The following NKAIN4 variants were observed in gnomAD, a reference collection of about 807,000 sequenced individuals.
The protein encoded by NKAIN4 is sodium/potassium-transporting ATPase subunit beta-1-interacting protein 4.
In NKAIN4, 28 loss-of-function variants were observed where a neutral mutation model predicts 28.8. That is an observed-to-expected ratio of 0.97 (90% CI 0.72 to 1.33). The LOEUF is 1.33. Among genes scored for constraint, NKAIN4 ranks in the 40% most tolerant of loss-of-function variants. NKAIN4 has a pLI of 0.00. For missense variants in NKAIN4, 289 were observed against 277.2 expected (o/e 1.04, Z -0.30); for synonymous variants, 122 against 115.6 (o/e 1.06, Z -0.36).
chr20:63,254,485 C>T, upstream of NKAIN4: 1 of 1,286,846 alleles, frequency 7.8e-7, no homozygotes, highest in Non-Finnish European at 9.8e-7. Context: ...CCGGGTGCCC[C>T]GCGCTCGGCC....
At chr20:63,254,659 G>T, upstream of NKAIN4, 2 of 387,324 alleles carry the variant, frequency 5.2e-6, no homozygotes, top group Non-Finnish European at 4.5e-6. Flanking sequence ...TGGGGGCTTC[G>T]CGCCGGCCGG....
upstream of NKAIN4, chr20:63,254,479 G>C: frequency 7.7e-7 from 1 of 1,298,956 alleles, no homozygotes; most frequent in South Asian, 2.2e-5. Flanking sequence ...AGGCCCCCGG[G>C]TGCCCCGCGC....
chr20:63,242,664 A>C, intron 5 of NKAIN4, 41 bp from the exon 6 acceptor site: 2 of 1,470,138 alleles, frequency 1.4e-6, no homozygotes, highest in Non-Finnish European at 1.9e-6. Context: ...AACCTACACA[A>C]TGGAAAAGAT....
chr20:63,246,459 G>A (rs1235824131), intron 4 of NKAIN4: 35 of 975,938 alleles, frequency 3.6e-5, no homozygotes, highest in Non-Finnish European at 4.0e-5. Context: ...CACCTTCCTG[G>A]CCTGATTTCC....
At chr20:63,254,174 CG>C in intron 1 of NKAIN4, 1 of 435,158 alleles carries the variant, frequency 2.3e-6, no homozygotes, top group Non-Finnish European at 4.0e-6. Flanking sequence ...GGCCGCCCCC[CG>C]CGCACGCACA....
intron 1 of NKAIN4, 80 bp downstream of exon 1, chr20:63,254,317 A>T: frequency 8.7e-7 from 1 of 1,154,856 alleles, no homozygotes; most frequent in African/African-American, 1.6e-5. Context: ...CCCGGGGCGG[A>T]GGGACGCTTC....
chr20:63,248,395 C>A (rs1041062562), intron 3 of NKAIN4: 3 of 189,994 alleles, frequency 1.6e-5, no homozygotes, highest in East Asian at 1.3e-4. Context: ...CCCACCCCCT[C>A]CCCCCACGTT....
At chr20:63,246,457 T>C (rs1302909802) in intron 4 of NKAIN4, 2 of 976,570 alleles carry the variant, frequency 2.0e-6, no homozygotes, top group East Asian at 2.3e-4. Context: ...AGCACCTTCC[T>C]GGCCTGATTT....
chr20:63,246,400 C>A (rs1231287965), intron 4 of NKAIN4, among the ~76,000 whole-genome samples: 3 of 152,208 alleles, frequency 2.0e-5, no homozygotes, highest in African/African-American at 7.2e-5. Flanking sequence ...AGAAACAGGC[C>A]CCGACTGGAG....
intron 6 of NKAIN4, among the ~76,000 whole-genome samples, chr20:63,242,271 C>G (rs2066768021): frequency 6.6e-6 from 1 of 152,094 alleles, no homozygotes; most frequent in African/African-American, 2.4e-5. Flanking sequence ...AGAGCCGACT[C>G]CTGGACCCAA....
intron 4 of NKAIN4, among the ~76,000 whole-genome samples, chr20:63,244,772 G>C (rs2066826191): frequency 6.6e-6 from 1 of 152,220 alleles, no homozygotes; most frequent in Non-Finnish European, 1.5e-5. Context: ...TGGCAAAGGG[G>C]GGGCAGTGCT....
chr20:63,254,898 G>C (rs566049330), upstream of NKAIN4: 1 of 156,502 alleles, frequency 6.4e-6, no homozygotes, highest in Admixed American at 6.5e-5. Flanking sequence ...TGAGCGACCC[G>C]CATCCGCGAG....
intron 6 of NKAIN4, among the ~76,000 whole-genome samples, chr20:63,242,213 C>T (rs144361005): frequency 2.7e-4 from 41 of 152,256 alleles, no homozygotes; most frequent in African/African-American, 4.8e-4. Context: ...ACCCCCATGC[C>T]GCCTGCTGGG....
chr20:63,254,394 C>T lies in NKAIN4; in HGVS notation c.54+3G>A, dbSNP rs2067015339. ...GGAGGCTCGCGGAGGGGTCGCCACT[C>T]ACCAGCTGAAAAGCGCAGAGGACGA... On this transcript the variant is annotated splice_donor_region_variant and intron_variant, in intron 1 of 6. Transcript: ENST00000370316. The T allele has an allele frequency of 6.9e-7, 1 of 1,452,486 alleles. No homozygotes were observed. The highest frequency in any genetic ancestry group is 9.1e-7 in the Non-Finnish European group (1 of 1,104,284). The allele number at this position is 1,452,486 out of a possible 1,614,324, so 90.0% of individuals were successfully genotyped here. A position where few individuals can be genotyped will look rare whatever the true frequency, so the allele number is the denominator to read the frequency against.
intron 4 of NKAIN4, chr20:63,246,448 G>A: frequency 2.2e-5 from 21 of 958,870 alleles, no homozygotes; most frequent in Middle Eastern, 5.3e-4. Flanking sequence ...CTATGGGGCA[G>A]CACCTTCCTG....
chr20:63,246,548 C>T (rs1241113659), intron 4 of NKAIN4: 43 of 985,344 alleles, frequency 4.4e-5, no homozygotes, highest in Non-Finnish European at 4.7e-5. Flanking sequence ...GCTCAGGCCA[C>T]GGGCTCCTTA....
Position 63,250,085 on chromosome 20 carries a change from C to A in NKAIN4, c.55-13G>T. On this transcript the variant is annotated splice_polypyrimidine_tract_variant and intron_variant, in intron 1 of 6. Coordinates refer to ENST00000370316, the MANE Select transcript of NKAIN4 (RefSeq NM_152864.4). ...CCAGGGCGGCGACCTAGGAGCAGGG[C>A]GGGCGCCATGAAGGGTGGACCCGAG... The A allele has an allele frequency of 6.4e-7, 1 of 1,554,788 alleles. No individual in the cohort carries two copies. Among genetic ancestry groups the A allele is most frequent in the Non-Finnish European group, 8.7e-7 (1 of 1,150,026 alleles).
intron 1 of NKAIN4, chr20:63,253,886 T>C (rs6010885): frequency 0.54 from 82,638 of 153,544 alleles, 22,918 homozygotes; most frequent in African/African-American, 0.67. Flanking sequence ...GGGCAGGACG[T>C]TCTCACCCCC....
At chr20:63,241,843 C>T (rs2066757703) in intron 6 of NKAIN4, 1 of 457,602 alleles carries the variant, frequency 2.2e-6, no homozygotes, top group Non-Finnish European at 4.2e-6. Flanking sequence ...GGTCTTTATT[C>T]CCCTGTTCTC....
Sources: allele counts gnomAD v4.1 joint callset (sites outside exome capture counted in the v4.1 genomes callset), GRCh38; gene constraint gnomAD v4.1.1; transcripts MANE v1.5; gene names NCBI Gene and HGNC (gene_info 2026-07-23, HGNC 2026-07-21).